GNAO1: variants seen among roughly 807,000 people sequenced by gnomAD.
The protein encoded by GNAO1 is guanine nucleotide-binding protein G(o) subunit alpha.
For synonymous variants in GNAO1, 164 were observed against 180.7 expected, an observed-to-expected ratio of 0.91 and a Z score of 0.74; for missense variants, 166 against 478.7, an observed-to-expected ratio of 0.35 and a Z score of 6.10.
chr16:56,300,008 C>CGTGTGTGTGTGTGTGTGTGTGTGTGT (rs71381116), intron 3 of GNAO1, among the ~76,000 whole-genome samples: 33 of 129,766 alleles, frequency 2.5e-4, no homozygotes, highest in East Asian at 5.1e-4. Context: ...GATTGGGGTT[C>CGTGTGTGTGTGTGTGTGTGTGTGTGT]GTGTGTGTGT....
At chr16:56,327,641 G>A (rs1193983996) in intron 3 of GNAO1, among the ~76,000 whole-genome samples, 1 of 152,198 alleles carries the variant, frequency 6.6e-6, no homozygotes, top group Non-Finnish European at 1.5e-5. Context: ...TTACATGCAT[G>A]TGATTGTAGT....
chr16:56,334,929 C>G, intron 5 of GNAO1, 72 bp downstream of exon 5: 2 of 1,511,384 alleles, frequency 1.3e-6, no homozygotes, highest in Non-Finnish European at 1.8e-6. Context: ...CAGCGCATTG[C>G]GTTTACAGCG....
chr16:56,239,724 C>T (rs1212258511), intron 2 of GNAO1, among the ~76,000 whole-genome samples: 1 of 152,138 alleles, frequency 6.6e-6, no homozygotes, highest in South Asian at 2.1e-4. Context: ...ATATGGCAAC[C>T]ACTTCACATA....
Position 56,310,291 on chromosome 16 carries a change from A to G in GNAO1, c.304-18340A>G, listed in dbSNP as rs184724402. On this transcript the variant is annotated intron_variant, in intron 3 of 8. Coordinates refer to ENST00000262493, the MANE Select transcript of GNAO1 (RefSeq NM_020988.3). The stretch of plus-strand genomic sequence containing the variant: ...GGTTGCAGTGAGCTATGATTTTGCC[A>G]CTGCACTGCAGCTTGAGTAACAGAG... 1.8e-3 allele frequency among the ~76,000 whole-genome samples: 275 copies of G among 152,322 alleles called. 1 individual carries two copies. The highest frequency in any genetic ancestry group is 6.2e-3 in the African/African-American group (259 of 41,564).
intron 2 of GNAO1, chr16:56,194,376 G>A: frequency 2.4e-6 from 1 of 420,364 alleles, no homozygotes; most frequent in South Asian, 1.7e-5. Flanking sequence ...TTTCTCCCGA[G>A]GGGGGACGTT....
At chr16:56,270,161 A>G (rs1235465046) in intron 2 of GNAO1, 4 of 152,308 alleles carry the variant, frequency 2.6e-5, no homozygotes, top group African/African-American at 9.7e-5. Context: ...GTCTCTCCCC[A>G]TACCCACGTG....
chr16:56,289,899 C>T (rs2037213099), intron 3 of GNAO1, among the ~76,000 whole-genome samples: 1 of 152,208 alleles, frequency 6.6e-6, no homozygotes, highest in Non-Finnish European at 1.5e-5. Context: ...CTCCAGCTTC[C>T]CACTGCCTCT....
chr16:56,291,517 C>T (rs554282640), intron 3 of GNAO1, among the ~76,000 whole-genome samples: 2 of 152,214 alleles, frequency 1.3e-5, no homozygotes, highest in South Asian at 2.1e-4. Context: ...ATTAGATATG[C>T]GATTTGCAAA....
chr16:56,275,468 A>C (rs2037053529), intron 2 of GNAO1, among the ~76,000 whole-genome samples: 1 of 152,238 alleles, frequency 6.6e-6, no homozygotes, highest in Non-Finnish European at 1.5e-5. Context: ...GTCTTAAGTG[A>C]ATCATTTTAC....
intron 2 of GNAO1, among the ~76,000 whole-genome samples, chr16:56,253,117 ACAGCTG>A (rs2036814851): frequency 6.6e-6 from 1 of 152,122 alleles, no homozygotes; most frequent in Non-Finnish European, 1.5e-5. Context: ...TGAGCAGAGA[ACAGCTG>A]CTCCTGGTCC....
At chr16:56,219,928 G>A (rs116116766) in intron 2 of GNAO1, among the ~76,000 whole-genome samples, 1,779 of 152,298 alleles carry the variant, frequency 0.012, 33 homozygotes, top group African/African-American at 0.04. Flanking sequence ...CCTAGAACTA[G>A]AGAAGGCCCA....
chr16:56,343,693 C>T, intron 6 of GNAO1: 3 of 1,280,120 alleles, frequency 2.3e-6, no homozygotes, highest in Non-Finnish European at 3.3e-6. Flanking sequence ...ACAGGCCAGG[C>T]TGGGGTCGTC....
chr16:56,335,619 G>T (rs1278015524), intron 5 of GNAO1, among the ~76,000 whole-genome samples: 1 of 152,144 alleles, frequency 6.6e-6, no homozygotes, highest in African/African-American at 2.4e-5. Context: ...GAGGCTCTGG[G>T]CCCAGGAACC....
intron 6 of GNAO1, among the ~76,000 whole-genome samples, chr16:56,343,431 T>C (rs2037825779): frequency 6.8e-6 from 1 of 147,696 alleles, no homozygotes; most frequent in Non-Finnish European, 1.5e-5. Flanking sequence ...GAGGCTGCAG[T>C]GAGCCCTGAT....
intron 3 of GNAO1, among the ~76,000 whole-genome samples, chr16:56,291,497 C>T (rs35199776): frequency 0.17 from 25,571 of 152,058 alleles, 2,466 homozygotes; most frequent in East Asian, 0.4. Flanking sequence ...ATTCTGGATA[C>T]GAGTCCTTTA....
Position 56,356,576 on chromosome 16 carries a change from A to T in GNAO1, c.*502A>T, listed in dbSNP as rs1459253861. The T allele has an allele frequency of 1.3e-5, 2 of 152,704 alleles. No homozygotes were observed. The highest frequency in any genetic ancestry group is 6.5e-5 in the Admixed American group (1 of 15,268). 9.5% of individuals were successfully genotyped at this position (152,704 alleles called of 1,614,324 possible). A position where few individuals can be genotyped will look rare whatever the true frequency, so the allele number is the denominator to read the frequency against. On this transcript the variant is annotated 3_prime_UTR_variant, in exon 9 of 9. Transcript: ENST00000262493. Reference sequence around the variant, plus strand: ...CCTGCTGCCTGCCGGCCGCCCAGACACCACAGACGCCACCTGGCGGCCCTA... The same window carrying T: ...CCTGCTGCCTGCCGGCCGCCCAGACTCCACAGACGCCACCTGGCGGCCCTA...
At chr16:56,225,584 G>C (rs1030003967) in intron 2 of GNAO1, among the ~76,000 whole-genome samples, 3 of 152,174 alleles carry the variant, frequency 2.0e-5, no homozygotes, top group Non-Finnish European at 2.9e-5. Context: ...ATCTGATGGG[G>C]CTGGAGCCAT....
At chr16:56,230,168 C>T (rs775812703) in intron 2 of GNAO1, among the ~76,000 whole-genome samples, 25 of 152,094 alleles carry the variant, frequency 1.6e-4, no homozygotes, top group Non-Finnish European at 2.8e-4. Context: ...GCATGTACTG[C>T]GGGAGTGGCA....
Position 56,302,781 on chromosome 16 carries a change from G to A in GNAO1, c.304-25850G>A, listed in dbSNP as rs2037357841. On this transcript the variant is annotated intron_variant, in intron 3 of 8. Transcript: ENST00000262493. ...CGTGTTGCCAATACCATCACTGTGT[G>A]TATTGATTTCTCACCCAACTGGTGT... 2.0e-5 allele frequency: 3 copies of A among 152,244 alleles called. No homozygotes were observed. In the South Asian group the frequency reaches 6.2e-4, roughly 32 times the overall value. The allele number at this position is 152,244 out of a possible 1,614,324, so 9.4% of individuals were successfully genotyped here. A position where few individuals can be genotyped will look rare whatever the true frequency, so the allele number is the denominator to read the frequency against.
Sources: gnomAD v4.1 joint callset for allele counts (sites outside exome capture counted in the v4.1 genomes callset) on GRCh38, gnomAD v4.1.1 for gene constraint, MANE v1.5 for transcripts, NCBI Gene and HGNC (gene_info 2026-07-23, HGNC 2026-07-21) for gene names.